Variants in FAF2 observed in about 807,000 individuals in gnomAD.
FAF2 encodes Fas associated factor family member 2.
A neutral mutation model predicts 62.3 loss-of-function variants in FAF2; 9 were observed. The observed-to-expected ratio is 0.14, with a 90% CI of 0.09 to 0.25. The LOEUF (loss-of-function observed/expected upper bound fraction) is 0.25, where lower values mean the gene tolerates loss of function less well. FAF2 is among the 10% of genes least tolerant of loss of function. The pLI, the probability that FAF2 is intolerant of heterozygous loss-of-function variation, is 1.00. For missense variants in FAF2, 368 were observed against 556.2 expected (o/e 0.66, Z 3.40); for synonymous variants, 202 against 198.0 (o/e 1.02, Z -0.17).
intron 1 of FAF2, among the ~76,000 whole-genome samples, chr5:176,449,790 C>T (rs957233070): frequency 3.3e-5 from 5 of 152,180 alleles, no homozygotes; most frequent in African/African-American, 9.7e-5. Context: ...TAGTGCGCAG[C>T]GCTGCTAGGT....
intron 1 of FAF2, among the ~76,000 whole-genome samples, chr5:176,478,778 C>T (rs1257865906): frequency 1.3e-5 from 2 of 152,174 alleles, no homozygotes; most frequent in African/African-American, 4.8e-5. Flanking sequence ...TGTCAGCACT[C>T]AAAATGTTTC....
chr5:176,474,136 G>A (rs1277357887), intron 1 of FAF2, among the ~76,000 whole-genome samples: 2 of 152,154 alleles, frequency 1.3e-5, no homozygotes, highest in Non-Finnish European at 2.9e-5. Flanking sequence ...AAGTTTTTCT[G>A]TATGCAGTCA....
chr5:176,472,343 C>T, intron 1 of FAF2, among the ~76,000 whole-genome samples: 1 of 151,838 alleles, frequency 6.6e-6, no homozygotes. Context: ...GATGGGGTTT[C>T]ACCATGTTGG....
intron 10 of FAF2, among the ~76,000 whole-genome samples, chr5:176,502,970 C>T (rs1222829426): frequency 6.6e-6 from 1 of 151,860 alleles, no homozygotes; most frequent in Non-Finnish European, 1.5e-5. Context: ...ATTGCTTGAA[C>T]CCGGGAGGCA....
chr5:176,468,109 G>A lies in FAF2; in HGVS notation c.64-11079G>A, dbSNP rs548141224. Reference sequence around the variant, plus strand: ...GAACCCTGGAAGCGGAGATTGTGGTGAGCTGAAATCTTGCCACTACACTCC... The same window carrying A: ...GAACCCTGGAAGCGGAGATTGTGGTAAGCTGAAATCTTGCCACTACACTCC... On this transcript the variant is annotated intron_variant, in intron 1 of 10. Coordinates refer to ENST00000261942, the MANE Select transcript of FAF2 (RefSeq NM_014613.3). Among the ~76,000 whole-genome samples, 12 of 152,286 alleles carry A rather than the reference G, an allele frequency of 7.9e-5. No individual in the cohort carries two copies. In the South Asian group the frequency reaches 2.1e-3, roughly 26 times the overall value.
intron 1 of FAF2, among the ~76,000 whole-genome samples, chr5:176,449,201 A>G (rs899655022): frequency 1.3e-5 from 2 of 152,198 alleles, no homozygotes; most frequent in Non-Finnish European, 2.9e-5. Flanking sequence ...GAGCTGGAGA[A>G]TGGTTGGAGG....
intron 1 of FAF2, among the ~76,000 whole-genome samples, chr5:176,461,748 T>C (rs180948508): frequency 5.9e-5 from 9 of 152,242 alleles, no homozygotes; most frequent in Non-Finnish European, 1.0e-4. Flanking sequence ...TTCTCCCATT[T>C]TGTCTGTTTA....
chr5:176,497,464 C>T (rs981443479), intron 8 of FAF2, among the ~76,000 whole-genome samples: 1 of 152,154 alleles, frequency 6.6e-6, no homozygotes, highest in Non-Finnish European at 1.5e-5. Flanking sequence ...TGGGATAATA[C>T]TTTTTTACAA....
In FAF2 at chr5:176,507,419, G is replaced by A; in HGVS notation, c.*469G>A. On this transcript the variant is annotated 3_prime_UTR_variant, in exon 11 of 11. Coordinates refer to ENST00000261942, the MANE Select transcript of FAF2 (RefSeq NM_014613.3). ...GGGAAGAGAGGGAAGAGAAAGCACAGAGCAGAGAAGCAGAGATGTTCCTTG... is the reference window on the plus strand; with the variant it reads ...GGGAAGAGAGGGAAGAGAAAGCACAAAGCAGAGAAGCAGAGATGTTCCTTG... 1 of 410,748 alleles carries A rather than the reference G, an allele frequency of 2.4e-6. No homozygotes were observed. The highest frequency in any genetic ancestry group is 1.8e-5 in the South Asian group (1 of 56,278). The allele number at this position is 410,748 out of a possible 1,614,324, so 25.4% of individuals were successfully genotyped here. A position where few individuals can be genotyped will look rare whatever the true frequency, so the allele number is the denominator to read the frequency against.
chr5:176,462,511 C>A (rs1394816714), intron 1 of FAF2, among the ~76,000 whole-genome samples: 1 of 151,966 alleles, frequency 6.6e-6, no homozygotes, highest in Non-Finnish European at 1.5e-5. Flanking sequence ...GTAGTCCCAG[C>A]TGCTTGGGAG....
chr5:176,475,802 G>A (rs1235449945), intron 1 of FAF2, among the ~76,000 whole-genome samples: 1 of 151,932 alleles, frequency 6.6e-6, no homozygotes, highest in Non-Finnish European at 1.5e-5. Flanking sequence ...TCAATACCAC[G>A]GATTTCCCAG....
intron 1 of FAF2, among the ~76,000 whole-genome samples, chr5:176,458,770 G>A (rs1451215565): frequency 6.6e-6 from 1 of 152,054 alleles, no homozygotes; most frequent in Non-Finnish European, 1.5e-5. Context: ...ATTTTTCTTT[G>A]TACCTCATGG....
chr5:176,467,330 GT>G (rs200470051), intron 1 of FAF2, among the ~76,000 whole-genome samples: 2 of 150,672 alleles, frequency 1.3e-5, no homozygotes, highest in Non-Finnish European at 3.0e-5. Flanking sequence ...ACTTTTTTTG[GT>G]TTTTTTTGGT....
In FAF2 at chr5:176,494,253, A is replaced by C. The variant is rs1475280271; in HGVS notation, c.639A>C (p.Thr213=). The C allele has an allele frequency of 6.2e-7, 1 of 1,613,864 alleles. No individual in the cohort carries two copies. The highest frequency in any genetic ancestry group is 2.2e-5 in the East Asian group (1 of 44,872). ...GGATGCTCTTCTGGGCATGCTCTAC[A>C]AACAAACCTGAGGGATACAGGGGTA... ...NTRMLFWACS[T]NKPEGYRVSQ... Residue 213 remains threonine, a synonymous_variant, in exon 7 of 11, where the codon ACA becomes ACC. Coordinates refer to ENST00000261942, the MANE Select transcript of FAF2 (RefSeq NM_014613.3). The surrounding 1 kb of genome is among the most constrained non-coding windows in gnomAD (Gnocchi z 4.0).
Position 176,452,375 on chromosome 5 carries a change from A to G in FAF2, c.63+3905A>G, listed in dbSNP as rs574344728. Among the ~76,000 whole-genome samples the G allele has an allele frequency of 2.0e-5, 3 of 152,230 alleles. No homozygotes were observed. In the East Asian group the frequency reaches 5.8e-4, roughly 29 times the overall value. ...ACCTGGCCAGCAGGTAACATTTATT[A>G]AGTATCTACTATGCCTTAGGCATGG... is the stretch of plus-strand genomic sequence containing the variant. On this transcript the variant is annotated intron_variant, in intron 1 of 10. Transcript: ENST00000261942.
intron 1 of FAF2, among the ~76,000 whole-genome samples, chr5:176,454,743 C>T (rs900157726): frequency 4.6e-5 from 7 of 152,130 alleles, no homozygotes; most frequent in African/African-American, 1.7e-4. Context: ...CTTCTGCATA[C>T]ACAGCTTAAT....
rs767687577 is a variant in FAF2 at position 176,448,430 on chromosome 5, A to T, written c.23A>T (p.Asp8Val). The T allele has an allele frequency of 1.2e-6, 2 of 1,607,548 alleles. No homozygotes were observed. The highest frequency in any genetic ancestry group is 3.4e-5 in the Admixed American group (2 of 58,988). The change falls in exon 1 of 11, where the codon GAT becomes GTT. Residue 8 changes from aspartate (D) to valine (V), a missense_variant. Physicochemically the swap from Asp to Val is radical, Grantham distance 152. Coordinates refer to ENST00000261942, the MANE Select transcript of FAF2 (RefSeq NM_014613.3). ...AAAATGGCGGCGCCTGAGGAGCGGGATCTAACCCAGGAGCAGACAGAGAAG... is the reference window on the plus strand; with the variant it reads ...AAAATGGCGGCGCCTGAGGAGCGGGTTCTAACCCAGGAGCAGACAGAGAAG... Reference protein sequence around the residue: MAAPEERDLTQEQTEKLL... With the variant: MAAPEERVLTQEQTEKLL...
intron 5 of FAF2, 104 bp downstream of exon 5, chr5:176,492,436 T>G: frequency 7.8e-7 from 1 of 1,278,366 alleles, no homozygotes; most frequent in Non-Finnish European, 1.0e-6. Flanking sequence ...CTCAAAAACC[T>G]TAATTAGCTC....
At chr5:176,468,225 A>T (rs1758506118) in intron 1 of FAF2, among the ~76,000 whole-genome samples, 1 of 152,186 alleles carries the variant, frequency 6.6e-6, no homozygotes, top group Non-Finnish European at 1.5e-5. Flanking sequence ...CTGAGGAAGG[A>T]TTCATTCATT....
Sources: gnomAD v4.1 joint callset for allele counts (sites outside exome capture counted in the v4.1 genomes callset) on GRCh38, gnomAD v4.1.1 for gene constraint, Gnocchi (gnomAD v3.1) non-coding constraint, MANE v1.5 for transcripts, NCBI Gene and HGNC (gene_info 2026-07-23, HGNC 2026-07-21) for gene names.